The following ADGRB1 variants were observed in gnomAD, a reference collection of about 807,000 sequenced individuals.
ADGRB1 encodes the protein adhesion G protein-coupled receptor B1, also known as brain-specific angiogenesis inhibitor 1.
A neutral mutation model predicts 175.7 loss-of-function variants in ADGRB1; 36 were observed. That is an observed-to-expected ratio of 0.20 (90% CI 0.16 to 0.27). The LOEUF is 0.27. Ranked by LOEUF, ADGRB1 falls within the 10% of genes least tolerant of loss-of-function variation. The pLI, the probability that ADGRB1 is intolerant of heterozygous loss-of-function variation, is 1.00. For synonymous variants in ADGRB1, 1,054 were observed against 979.4 expected (o/e 1.08, Z -1.42); for missense variants, 1,731 against 2,255.3 (o/e 0.77, Z 4.71).
chr8:142,480,184 G>A (rs549992868), intron 9 of ADGRB1, among the ~76,000 whole-genome samples: 38 of 152,318 alleles, frequency 2.5e-4, no homozygotes, highest in African/African-American at 8.7e-4. Flanking sequence ...AGGGCTCCAC[G>A]GGGAAGGGCT....
intron 18 of ADGRB1, among the ~76,000 whole-genome samples, chr8:142,514,984 C>T (rs1420116539): frequency 2.0e-5 from 3 of 151,970 alleles, no homozygotes; most frequent in Admixed American, 2.0e-4. Context: ...GAAATGAGTC[C>T]TTAGGGGGCA....
chr8:142,484,616 G>A (rs962572002), intron 12 of ADGRB1, 40 bp from the exon 13 acceptor site: 1 of 1,561,154 alleles, frequency 6.4e-7, no homozygotes. Flanking sequence ...AAGGGACAGT[G>A]GGGCCTCCTC....
chr8:142,453,193 G>C (rs1230527181), intron 1 of ADGRB1, among the ~76,000 whole-genome samples: 2 of 152,170 alleles, frequency 1.3e-5, no homozygotes, highest in African/African-American at 4.8e-5. Context: ...TCCATGTGTG[G>C]CGCGCATGCA....
Position 142,511,932 on chromosome 8 carries a change from G to A in ADGRB1, c.2817+859G>A, listed in dbSNP as rs1048664695. On this transcript the variant is annotated intron_variant, in intron 18 of 30. Transcript: ENST00000517894. The surrounding 1 kb of genome is among the most constrained non-coding windows in gnomAD (Gnocchi z 4.5). ...AGGGGTGGAGGATGCACTTGGAGGG[G>A]ACCTGTCCTTCCTGGGTGTTGGAGG... Among the ~76,000 whole-genome samples, 1 of 152,346 alleles carries A rather than the reference G, an allele frequency of 6.6e-6. No homozygotes were observed. The highest frequency in any genetic ancestry group is 1.9e-4 in the East Asian group (1 of 5,180).
intron 1 of ADGRB1, among the ~76,000 whole-genome samples, chr8:142,460,735 C>A (rs574523031): frequency 1.6e-4 from 25 of 152,300 alleles, no homozygotes; most frequent in Middle Eastern, 6.8e-3. Context: ...TACCTCCTCC[C>A]TCCTCCCTCT....
chr8:142,509,566 G>C (rs76894564), intron 17 of ADGRB1, among the ~76,000 whole-genome samples: 3 of 152,196 alleles, frequency 2.0e-5, no homozygotes, highest in African/African-American at 7.2e-5. Flanking sequence ...AGTGGGGACC[G>C]GATGGAAGAG....
intron 18 of ADGRB1, among the ~76,000 whole-genome samples, chr8:142,515,783 G>A (rs780218938): frequency 1.3e-4 from 20 of 152,218 alleles, no homozygotes; most frequent in African/African-American, 3.6e-4. Context: ...GAGAAGTACC[G>A]GATGATGGGA....
chr8:142,520,754 C>G (rs1360877488), intron 19 of ADGRB1, 69 bp from the exon 20 acceptor site: 4 of 1,411,898 alleles, frequency 2.8e-6, no homozygotes, highest in Non-Finnish European at 4.0e-6. Context: ...CTTGGTGCCA[C>G]AGGACCACAG....
intron 11 of ADGRB1, among the ~76,000 whole-genome samples, chr8:142,483,412 A>G (rs1350651060): frequency 6.9e-6 from 1 of 144,578 alleles, no homozygotes; most frequent in Non-Finnish European, 1.5e-5. Flanking sequence ...GACACTGGTC[A>G]CATGCTGAGT....
chr8:142,536,000 T>C (rs1322775427), intron 25 of ADGRB1, among the ~76,000 whole-genome samples: 4 of 152,148 alleles, frequency 2.6e-5, no homozygotes, highest in Non-Finnish European at 4.4e-5. Flanking sequence ...GGTCCCCATC[T>C]GCCTGATGAG....
intron 17 of ADGRB1, among the ~76,000 whole-genome samples, chr8:142,506,574 G>C (rs1237373036): frequency 1.3e-5 from 2 of 152,228 alleles, no homozygotes; most frequent in African/African-American, 4.8e-5. Context: ...CCACGTGCGG[G>C]AGCAGTCGCT....
At chr8:142,525,146 C>T (rs563275686) in intron 23 of ADGRB1, among the ~76,000 whole-genome samples, 1 of 152,166 alleles carries the variant, frequency 6.6e-6, no homozygotes, top group South Asian at 2.1e-4. Flanking sequence ...GGGAGCTAGC[C>T]CTGTAGGGGC....
intron 4 of ADGRB1, 129 bp from the exon 5 acceptor site, chr8:142,476,985 G>A: frequency 7.7e-7 from 1 of 1,306,456 alleles, no homozygotes; most frequent in Non-Finnish European, 1.0e-6. Flanking sequence ...TGGTTCGAAG[G>A]CCCGGGGGCT....
intron 1 of ADGRB1, among the ~76,000 whole-genome samples, chr8:142,454,310 A>C (rs1375321639): frequency 6.6e-6 from 1 of 152,182 alleles, no homozygotes; most frequent in Non-Finnish European, 1.5e-5. Flanking sequence ...GCAGGCAGAC[A>C]CCCAGAGCAG....
intron 12 of ADGRB1, 90 bp downstream of exon 12, chr8:142,484,135 G>A: frequency 8.9e-7 from 1 of 1,123,682 alleles, no homozygotes; most frequent in South Asian, 1.5e-5. Flanking sequence ...CTGGGGTGGG[G>A]TCCCGCCGGG....
intron 13 of ADGRB1, 146 bp from the exon 14 acceptor site, chr8:142,488,218 C>T: frequency 5.2e-6 from 6 of 1,152,196 alleles, no homozygotes; most frequent in Non-Finnish European, 7.5e-6. Context: ...GGCAGATGGC[C>T]CCCACACTCC....
chr8:142,522,159 T>A (rs1843888804), intron 21 of ADGRB1, 44 bp downstream of exon 21: 4 of 1,586,426 alleles, frequency 2.5e-6, no homozygotes, highest in Non-Finnish European at 3.4e-6. Context: ...ATACCCTTCC[T>A]CCCCCACTGC....
intron 1 of ADGRB1, among the ~76,000 whole-genome samples, chr8:142,463,610 C>A (rs1217169253): frequency 1.3e-5 from 2 of 152,264 alleles, no homozygotes; most frequent in African/African-American, 4.8e-5. Context: ...CCACGCAGAG[C>A]GTGGTGAGCG....
chr8:142,510,720 G>A lies in ADGRB1; in HGVS notation c.2676-212G>A, dbSNP rs1280932053. On this transcript the variant is annotated intron_variant, in intron 17 of 30. Coordinates refer to ENST00000517894, the MANE Select transcript of ADGRB1 (RefSeq NM_001702.3). The surrounding 1 kb of genome is among the most constrained non-coding windows in gnomAD (Gnocchi z 6.3). ...GCTGCGCTCCGCGGCTCTCGGCGGC[G>A]GCGGCGGCGGGCGCAGAGCGCGGCA... is the stretch of plus-strand genomic sequence containing the variant. 6.9e-6 allele frequency among the ~76,000 whole-genome samples: 1 copy of A among 145,368 alleles called. No homozygotes were observed. Among genetic ancestry groups the A allele is most frequent in the African/African-American group, 2.5e-5 (1 of 40,570 alleles).
Sources: gnomAD v4.1 joint callset for allele counts (sites outside exome capture counted in the v4.1 genomes callset) on GRCh38, gnomAD v4.1.1 for gene constraint, Gnocchi (gnomAD v3.1) non-coding constraint, MANE v1.5 for transcripts, NCBI Gene and HGNC (gene_info 2026-07-23, HGNC 2026-07-21) for gene names.